KIAA0319L: variants seen among roughly 807,000 people sequenced by gnomAD.
KIAA0319L encodes the protein dyslexia-associated protein KIAA0319-like protein.
KIAA0319L carries 55 observed loss-of-function variants against 120.1 expected under a neutral mutation model. The observed-to-expected ratio is 0.46, with a 90% CI of 0.37 to 0.57. KIAA0319L has a LOEUF of 0.57. Among genes scored for constraint, KIAA0319L ranks in the 20% least tolerant of loss-of-function variants. The probability of loss-of-function intolerance (pLI) is 0.00; values close to 1 mark genes in which losing one functional copy is unlikely to be tolerated. For synonymous variants in KIAA0319L, 398 were observed against 471.9 expected, an observed-to-expected ratio of 0.84 and a Z score of 2.03; for missense variants, 1,049 against 1,255.3, an observed-to-expected ratio of 0.84 and a Z score of 2.48.
chr1:35,529,336 T>C (rs1309981949), intron 2 of KIAA0319L, among the ~76,000 whole-genome samples: 3 of 152,234 alleles, frequency 2.0e-5, no homozygotes, highest in Non-Finnish European at 4.4e-5. Context: ...TTTCTTATTG[T>C]TATGGTTTGA....
chr1:35,520,407 T>C (rs1188412223), intron 2 of KIAA0319L, among the ~76,000 whole-genome samples: 1 of 152,040 alleles, frequency 6.6e-6, no homozygotes, highest in Admixed American at 6.6e-5. Flanking sequence ...CTCTTTTTTT[T>C]CTTTAAGACA....
chr1:35,523,124 C>T (rs1645994071), intron 2 of KIAA0319L, among the ~76,000 whole-genome samples: 1 of 151,908 alleles, frequency 6.6e-6, no homozygotes, highest in Non-Finnish European at 1.5e-5. Context: ...ATCTACCAGC[C>T]TTCTTCCATC....
At chr1:35,501,130 C>T (rs1372290594) in intron 3 of KIAA0319L, among the ~76,000 whole-genome samples, 1 of 152,100 alleles carries the variant, frequency 6.6e-6, no homozygotes, top group African/African-American at 2.4e-5. Context: ...TCCTACTCAC[C>T]AGCAGCAATT....
At chr1:35,544,143 A>C (rs1160186200) in intron 2 of KIAA0319L, among the ~76,000 whole-genome samples, 1 of 152,114 alleles carries the variant, frequency 6.6e-6, no homozygotes. Flanking sequence ...CAAGGCGGGC[A>C]GATTGCCTGC....
intron 2 of KIAA0319L, among the ~76,000 whole-genome samples, chr1:35,538,118 A>C (rs190490912): frequency 2.0e-5 from 3 of 152,068 alleles, no homozygotes; most frequent in Non-Finnish European, 4.4e-5. Context: ...ATGCTTCTTT[A>C]TGTTTCTACA....
intron 20 of KIAA0319L, among the ~76,000 whole-genome samples, chr1:35,435,798 A>G (rs1640740077): frequency 6.6e-6 from 1 of 152,232 alleles, no homozygotes; most frequent in South Asian, 2.1e-4. Flanking sequence ...ATCCCTATAG[A>G]TGCCGAGCGG....
chr1:35,443,849 A>G (rs910622518), intron 17 of KIAA0319L, among the ~76,000 whole-genome samples: 1 of 152,196 alleles, frequency 6.6e-6, no homozygotes, highest in Non-Finnish European at 1.5e-5. Context: ...TGTTGATACT[A>G]CTGTAGTTTG....
At chr1:35,538,366 G>A (rs977982435) in intron 2 of KIAA0319L, among the ~76,000 whole-genome samples, 5 of 151,896 alleles carry the variant, frequency 3.3e-5, no homozygotes, top group Non-Finnish European at 7.4e-5. Flanking sequence ...CGAGGCTGGC[G>A]GATTGCCTGA....
intron 4 of KIAA0319L, among the ~76,000 whole-genome samples, chr1:35,475,643 C>T (rs1643878445): frequency 6.6e-6 from 1 of 151,924 alleles, no homozygotes; most frequent in Admixed American, 6.6e-5. Flanking sequence ...GCCCAGCTTG[C>T]TTATCCCAAG....
chr1:35,450,000 C>T lies in KIAA0319L; in HGVS notation c.2220G>A (p.Val740=), dbSNP rs747009662. 5 of 1,614,058 alleles carry T rather than the reference C, an allele frequency of 3.1e-6. No homozygotes were observed. The South Asian group carries it at 4.4e-5, about 14-fold the overall frequency. Reference sequence around the variant, plus strand: ...TAGGGTGATGGTCAGAGTGATTTAACACCTCCTGTAGGGTTGAACAACATG... The same window carrying T: ...TAGGGTGATGGTCAGAGTGATTTAATACCTCCTGTAGGGTTGAACAACATG... The part of the protein sequence containing the change: ...RDEGSPAAGE[V]LNHSDHHPIL... The change falls in exon 15 of 21, where the codon GTG becomes GTA. Residue 740 remains valine (V), a synonymous_variant. Coordinates refer to ENST00000325722, the MANE Select transcript of KIAA0319L (RefSeq NM_024874.5).
intron 2 of KIAA0319L, among the ~76,000 whole-genome samples, chr1:35,509,519 G>A (rs1336013203): frequency 1.3e-5 from 2 of 152,190 alleles, no homozygotes; most frequent in African/African-American, 4.8e-5. Flanking sequence ...GGAGCAATAC[G>A]GCTGCAAGCC....
intron 5 of KIAA0319L, 144 bp downstream of exon 5, chr1:35,474,661 T>C (rs1643835706): frequency 3.6e-6 from 2 of 552,290 alleles, no homozygotes; most frequent in East Asian, 3.1e-5. Flanking sequence ...AGTGGTAGTG[T>C]ATGCCAGTAG....
intron 7 of KIAA0319L, among the ~76,000 whole-genome samples, 165 bp from the exon 8 acceptor site, chr1:35,462,878 G>A (rs748967039): frequency 9.8e-5 from 15 of 152,300 alleles, no homozygotes; most frequent in Non-Finnish European, 1.8e-4. Flanking sequence ...ATGAACGGGT[G>A]GTGGGGGTTG....
chr1:35,476,379 G>A (rs1164239472), intron 4 of KIAA0319L, among the ~76,000 whole-genome samples: 1 of 152,154 alleles, frequency 6.6e-6, no homozygotes, highest in African/African-American at 2.4e-5. Context: ...CATTTGCTAT[G>A]AGACTTCAAA....
intron 3 of KIAA0319L, among the ~76,000 whole-genome samples, chr1:35,484,767 CATATAT>C (rs56318513): frequency 0.015 from 747 of 51,490 alleles, 12 homozygotes; most frequent in East Asian, 0.035. Context: ...AGTTTTTAAT[CATATAT>C]ATATATATAT....
intron 3 of KIAA0319L, among the ~76,000 whole-genome samples, chr1:35,501,490 T>C (rs868380106): frequency 2.6e-5 from 4 of 152,200 alleles, no homozygotes; most frequent in Admixed American, 2.6e-4. Context: ...AATTTACTCG[T>C]CACTCTTCCT....
chr1:35,477,523 T>C (rs1053465843), intron 4 of KIAA0319L, among the ~76,000 whole-genome samples: 33 of 151,814 alleles, frequency 2.2e-4, no homozygotes, highest in East Asian at 9.7e-4. Flanking sequence ...AAAAATTAGC[T>C]GGGCGTGGTG....
intron 16 of KIAA0319L, among the ~76,000 whole-genome samples, chr1:35,446,130 C>G (rs754013545): frequency 6.6e-6 from 1 of 152,168 alleles, no homozygotes; most frequent in Non-Finnish European, 1.5e-5. Context: ...TCCAGACCAA[C>G]TGAACTATAA....
At chr1:35,507,233 G>A in intron 2 of KIAA0319L, 98 bp from the exon 3 acceptor site, 1 of 1,265,012 alleles carries the variant, frequency 7.9e-7, no homozygotes, top group Non-Finnish European at 1.1e-6. Context: ...TTATTTTGAA[G>A]ACGAGTTTTT....
Sources: gnomAD v4.1 joint callset for allele counts (sites outside exome capture counted in the v4.1 genomes callset) on GRCh38, gnomAD v4.1.1 for gene constraint, MANE v1.5 for transcripts, NCBI Gene and HGNC (gene_info 2026-07-23, HGNC 2026-07-21) for gene names.